CSMD3: variants seen among roughly 807,000 people sequenced by gnomAD.
The protein encoded by CSMD3 is CUB and Sushi multiple domains 3.
Under a neutral mutation model 435.2 loss-of-function variants are expected in CSMD3, and 177 were observed. That is an observed-to-expected ratio of 0.41 (90% CI 0.36 to 0.46). The LOEUF (loss-of-function observed/expected upper bound fraction) is 0.46, where lower values mean the gene tolerates loss of function less well. CSMD3 is among the 20% of genes least tolerant of loss of function. The probability of loss-of-function intolerance (pLI) is 0.34; values close to 1 mark genes in which losing one functional copy is unlikely to be tolerated. For synonymous variants in CSMD3, 1,656 were observed against 1,520.5 expected, an observed-to-expected ratio of 1.09 and a Z score of -2.07; for missense variants, 4,265 against 4,504.6, an observed-to-expected ratio of 0.95 and a Z score of 1.52.
chr8:112,399,074 G>T (rs544989338), intron 35 of CSMD3, among the ~76,000 whole-genome samples: 3 of 150,376 alleles, frequency 2.0e-5, no homozygotes, highest in African/African-American at 7.4e-5. Context: ...GTGCCACCAC[G>T]CCCAGCTAAT....
chr8:112,492,393 TG>T, intron 31 of CSMD3, 95 bp downstream of exon 31: 1 of 913,628 alleles, frequency 1.1e-6, no homozygotes, highest in Non-Finnish European at 1.8e-6. Context: ...GTAGATTGTA[TG>T]TGGAATAGTT....
intron 42 of CSMD3, among the ~76,000 whole-genome samples, chr8:112,341,264 A>G (rs909731156): frequency 1.3e-5 from 2 of 151,688 alleles, no homozygotes; most frequent in African/African-American, 2.4e-5. Context: ...CATGGTTAGG[A>G]TTTTCTAAGG....
intron 64 of CSMD3, among the ~76,000 whole-genome samples, chr8:112,245,490 A>AT (rs922976761): frequency 2.6e-5 from 4 of 151,974 alleles, no homozygotes; most frequent in South Asian, 2.1e-4. Flanking sequence ...AATAGCTAAC[A>AT]TTTTTTTACT....
intron 10 of CSMD3, among the ~76,000 whole-genome samples, chr8:112,897,217 G>T (rs2081972915): frequency 6.6e-6 from 1 of 151,298 alleles, no homozygotes; most frequent in African/African-American, 2.4e-5. Context: ...ATGCATGCAT[G>T]TGTGTGCTTG....
chr8:112,851,526 G>A (rs113251669), intron 11 of CSMD3, among the ~76,000 whole-genome samples: 5,336 of 152,214 alleles, frequency 0.035, 152 homozygotes, highest in Middle Eastern at 0.051. Context: ...CAGCACTTAG[G>A]AGGCCGAGGC....
At chr8:113,419,564 T>C (rs1411212386) in intron 1 of CSMD3, among the ~76,000 whole-genome samples, 1 of 152,134 alleles carries the variant, frequency 6.6e-6, no homozygotes, top group Non-Finnish European at 1.5e-5. Flanking sequence ...AAAAAGATGG[T>C]GCATATTAGA....
intron 13 of CSMD3, among the ~76,000 whole-genome samples, chr8:112,787,539 G>T (rs2078577630): frequency 6.6e-6 from 1 of 152,100 alleles, no homozygotes; most frequent in Non-Finnish European, 1.5e-5. Context: ...ATCAACCTAA[G>T]TGTTCATCAA....
chr8:113,343,541 A>G (rs759578468), intron 1 of CSMD3, among the ~76,000 whole-genome samples: 10 of 152,194 alleles, frequency 6.6e-5, no homozygotes, highest in Non-Finnish European at 1.5e-4. Flanking sequence ...CCTTTGAGAC[A>G]GAAAAATACA....
intron 22 of CSMD3, among the ~76,000 whole-genome samples, chr8:112,601,416 C>T (rs181039221): frequency 2.3e-3 from 352 of 152,140 alleles, no homozygotes; most frequent in African/African-American, 8.1e-3. Flanking sequence ...ACACTCAACC[C>T]CTTCATGATA....
At chr8:113,202,508 T>A (rs566503080) in intron 3 of CSMD3, among the ~76,000 whole-genome samples, 12 of 152,274 alleles carry the variant, frequency 7.9e-5, no homozygotes, top group Admixed American at 6.5e-4. Flanking sequence ...CTTTGAAGTA[T>A]TTCTGGAGAT....
intron 57 of CSMD3, 38 bp downstream of exon 57, chr8:112,289,327 A>G (rs751643460): frequency 1.3e-6 from 2 of 1,545,064 alleles, no homozygotes; most frequent in Non-Finnish European, 1.8e-6. Flanking sequence ...ACAATAATGT[A>G]ATTTCCAACA....
In CSMD3 at chr8:112,295,864, G is replaced by C. The variant is rs763634369; in HGVS notation, c.8583C>G (p.His2861Gln). ...GSSVRICQQD[H>Q]NWSGQLPSCV... ...AGGATGGGAGCTGACCAGACCAATT[G>C]TGATCCTGTTGACATATCCTCACTG... is the stretch of plus-strand genomic sequence containing the variant. Residue 2861 changes from histidine to glutamine, a missense_variant, in exon 54 of 71, where the codon CAC becomes CAG. By Grantham distance (24) the His-to-Gln change is conservative. Coordinates refer to ENST00000297405, the MANE Select transcript of CSMD3 (RefSeq NM_198123.2). 6.2e-7 allele frequency: 1 copy of C among 1,613,808 alleles called. No homozygotes were observed. Among genetic ancestry groups the C allele is most frequent in the African/African-American group, 1.3e-5 (1 of 74,876 alleles).
chr8:112,711,096 T>C (rs2076600560), intron 13 of CSMD3, among the ~76,000 whole-genome samples: 1 of 152,092 alleles, frequency 6.6e-6, no homozygotes, highest in South Asian at 2.1e-4. Flanking sequence ...AGAGTGGATA[T>C]TTTAGCAGCA....
intron 59 of CSMD3, among the ~76,000 whole-genome samples, chr8:112,269,548 T>C (rs2130455719): frequency 6.6e-6 from 1 of 152,270 alleles, no homozygotes; most frequent in East Asian, 1.9e-4. Flanking sequence ...CTCAGCACTG[T>C]TTGTGTCTTC....
intron 4 of CSMD3, among the ~76,000 whole-genome samples, chr8:113,119,554 C>T (rs970793810): frequency 5.3e-5 from 8 of 151,916 alleles, no homozygotes; most frequent in African/African-American, 1.9e-4. Context: ...AAAAAGATGC[C>T]CAAAGGAGGA....
intron 6 of CSMD3, among the ~76,000 whole-genome samples, chr8:113,006,297 A>G (rs1402956326): frequency 6.6e-6 from 1 of 152,048 alleles, no homozygotes; most frequent in Non-Finnish European, 1.5e-5. Context: ...TCAAGTTGAC[A>G]GACTTTTGGA....
At chr8:113,181,982 T>C (rs1438909371) in intron 3 of CSMD3, among the ~76,000 whole-genome samples, 2 of 152,084 alleles carry the variant, frequency 1.3e-5, no homozygotes, top group African/African-American at 4.8e-5. Flanking sequence ...ACTGGAATTA[T>C]ATATTCAACA....
Position 112,877,030 on chromosome 8 carries a change from A to G in CSMD3, c.1634-17764T>C, listed in dbSNP as rs1054781688. Among the ~76,000 whole-genome samples the G allele has an allele frequency of 4.6e-5, 7 of 152,130 alleles. 1 individual carries two copies. The highest frequency in any genetic ancestry group is 2.6e-4 in the Admixed American group (4 of 15,274). On this transcript the variant is annotated intron_variant, in intron 10 of 70. Coordinates refer to ENST00000297405, the MANE Select transcript of CSMD3 (RefSeq NM_198123.2). Reference sequence around the variant, plus strand: ...ACAATTGCTACAAAGAAAATAAAATACCTAGGGATACAACTTACAAGGGAT... The same window carrying G: ...ACAATTGCTACAAAGAAAATAAAATGCCTAGGGATACAACTTACAAGGGAT...
intron 32 of CSMD3, among the ~76,000 whole-genome samples, chr8:112,459,237 C>T (rs1450594077): frequency 1.3e-5 from 2 of 151,920 alleles, no homozygotes; most frequent in African/African-American, 4.8e-5. Flanking sequence ...CACTCATCTC[C>T]CTAATCTAAA....
Sources: allele counts gnomAD v4.1 joint callset (sites outside exome capture counted in the v4.1 genomes callset), GRCh38; gene constraint gnomAD v4.1.1; transcripts MANE v1.5; gene names NCBI Gene and HGNC (gene_info 2026-07-23, HGNC 2026-07-21).